ARHGEF12: variants seen among roughly 807,000 people sequenced by gnomAD.
The protein encoded by ARHGEF12 is KMT2A/ARHGEF12 fusion protein.
A neutral mutation model predicts 211.2 loss-of-function variants in ARHGEF12; 66 were observed. The ratio of observed to expected loss-of-function variants is 0.31; its 90% CI spans 0.26 to 0.38. The LOEUF (loss-of-function observed/expected upper bound fraction) is 0.38, where lower values mean the gene tolerates loss of function less well. Ranked by LOEUF, ARHGEF12 falls within the 10% of genes least tolerant of loss-of-function variation. ARHGEF12 has a pLI of 1.00. For missense variants in ARHGEF12, 1,429 were observed against 1,869.5 expected, an observed-to-expected ratio of 0.76 and a Z score of 4.34; for synonymous variants, 592 against 638.4, an observed-to-expected ratio of 0.93 and a Z score of 1.09.
At chr11:120,420,993 C>T in intron 5 of ARHGEF12, 142 bp downstream of exon 5, 1 of 665,518 alleles carries the variant, frequency 1.5e-6, no homozygotes, top group Non-Finnish European at 2.4e-6. Flanking sequence ...TCTATCATGT[C>T]ATAGTTACAG....
chr11:120,464,101 C>G, intron 27 of ARHGEF12: 1 of 152,174 alleles, frequency 6.6e-6, no homozygotes, highest in East Asian at 1.9e-4. Context: ...CTCCCCCAAG[C>G]CAGCTCCAGC....
chr11:120,337,709 T>A, intron 1 of ARHGEF12: 3 of 985,446 alleles, frequency 3.0e-6, no homozygotes, highest in Non-Finnish European at 3.6e-6. Flanking sequence ...CCTGTGAACT[T>A]AATGTTGAGC....
In ARHGEF12 at chr11:120,429,433, T is replaced by TAGG; in HGVS notation, c.586-7_586-6insAGG. ...TGTTGTTTGTTTTTTATCTTTTTCT[T>TAGG]TTCTAGGAGGAAAACAATGTGGTTC... On this transcript the variant is annotated splice_polypyrimidine_tract_variant and splice_region_variant and intron_variant, in intron 8 of 40. Transcript: ENST00000397843. 6.2e-7 allele frequency: 1 copy of TAGG among 1,607,356 alleles called. No homozygotes were observed. Among genetic ancestry groups the TAGG allele is most frequent in the Non-Finnish European group, 8.5e-7 (1 of 1,176,360 alleles).
chr11:120,457,073 TTATTAAG>T lies in ARHGEF12; in HGVS notation c.2057-38_2057-32del, dbSNP rs779024327. ...TAATTTTTTTTGGTGACCAGTGACT[TTATTAAG>T]TATTAACACTCTTCAAATGTCTGAC... On this transcript the variant is annotated intron_variant, in intron 22 of 40. Coordinates refer to ENST00000397843, the MANE Select transcript of ARHGEF12 (RefSeq NM_015313.3). The T allele has an allele frequency of 4.4e-6, 7 of 1,588,046 alleles. No individual in the cohort carries two copies. In the Admixed American group the frequency reaches 5.4e-5, roughly 12 times the overall value.
intron 1 of ARHGEF12, among the ~76,000 whole-genome samples, chr11:120,396,095 A>C (rs1485457130): frequency 6.6e-6 from 1 of 152,116 alleles, no homozygotes; most frequent in African/African-American, 2.4e-5. Flanking sequence ...ATAGTGCCAC[A>C]AACAAGAAAG....
In ARHGEF12 at chr11:120,478,390, G is replaced by A; in HGVS notation, c.3766+1G>A. The A allele has an allele frequency of 6.2e-7, 1 of 1,613,294 alleles. No homozygotes were observed. The highest frequency in any genetic ancestry group is 8.5e-7 in the Non-Finnish European group (1 of 1,179,266). On this transcript the variant is annotated splice_donor_variant, in intron 37 of 40. Coordinates refer to ENST00000397843, the MANE Select transcript of ARHGEF12 (RefSeq NM_015313.3). LOFTEE classifies it high-confidence loss of function. Reference sequence around the variant, plus strand: ...TGGGCATTGGATGCACTAAGAAATTGTAAGTTTTATTCATAACTTATTACA... The same window carrying A: ...TGGGCATTGGATGCACTAAGAAATTATAAGTTTTATTCATAACTTATTACA...
intron 1 of ARHGEF12, among the ~76,000 whole-genome samples, chr11:120,370,680 A>C (rs138577250): frequency 2.6e-5 from 4 of 152,246 alleles, no homozygotes; most frequent in Non-Finnish European, 5.9e-5. Flanking sequence ...AAAGTCTTAA[A>C]ACTTTTTTGG....
chr11:120,457,181 T>C lies in ARHGEF12; in HGVS notation c.2120T>C (p.Leu707Pro). The change falls in exon 23 of 41, where the codon CTC becomes CCC. Residue 707 changes from leucine (L) to proline (P), a missense_variant. This residue lies in a region of ARHGEF12 where 373 missense variants were observed against 467.5 expected (regional missense o/e 0.80). Coordinates refer to ENST00000397843, the MANE Select transcript of ARHGEF12 (RefSeq NM_015313.3). ...GDTLDGTPRTLNTVFDFPPPP... is the reference protein window; with the variant it reads ...GDTLDGTPRTPNTVFDFPPPP... ...ACCTTAGATGGCACACCTCGTACTC[T>C]CAATACTGTCTTTGATTTCCCACCA... 1 of 1,614,130 alleles carries C rather than the reference T, an allele frequency of 6.2e-7. No homozygotes were observed. The highest frequency in any genetic ancestry group is 8.5e-7 in the Non-Finnish European group (1 of 1,179,994).
At position 120,486,987 on chromosome 11, in the gene ARHGEF12, A is replaced by T. The variant is rs1044344381; in HGVS notation, c.*1910A>T. On this transcript the variant is annotated 3_prime_UTR_variant, in exon 41 of 41. Transcript: ENST00000397843. ...AAGTTTGGGATTTGGAACTTTCTGT[A>T]TCTCTTAGGAGGAACAAGTAAAAAC... The T allele has an allele frequency of 1.4e-5, 3 of 214,560 alleles. No homozygotes were observed. The highest frequency in any genetic ancestry group is 6.8e-5 in the African/African-American group (3 of 44,360). 13.3% of individuals were successfully genotyped at this position (214,560 alleles called of 1,614,324 possible).
intron 1 of ARHGEF12, among the ~76,000 whole-genome samples, chr11:120,356,153 T>A (rs1037083325): frequency 6.6e-6 from 1 of 152,226 alleles, no homozygotes; most frequent in South Asian, 2.1e-4. Flanking sequence ...TTGATAGGAT[T>A]CTACTTTAAA....
chr11:120,421,442 GTTTTTTTTTTTTT>G (rs1945186382), intron 5 of ARHGEF12, among the ~76,000 whole-genome samples: 1 of 83,870 alleles, frequency 1.2e-5, no homozygotes, highest in African/African-American at 4.1e-5. Flanking sequence ...TTTTTTTTTT[GTTTTTTTTTTTTT>G]GGAGATGGAG....
Position 120,465,402 on chromosome 11 carries a change from G to A in ARHGEF12, c.2739+40G>A, listed in dbSNP as rs367674686. 9.3e-6 allele frequency: 15 copies of A among 1,609,440 alleles called. No individual in the cohort carries two copies. In the African/African-American group the frequency reaches 2.0e-4, roughly 22 times the overall value. On this transcript the variant is annotated intron_variant, in intron 28 of 40. Coordinates refer to ENST00000397843, the MANE Select transcript of ARHGEF12 (RefSeq NM_015313.3). ...TCATGTAAGAAAAAAAATAAGGCAA[G>A]TTTTTATCAATTATCAGATAAACTG...
chr11:120,489,131 C>T lies in ARHGEF12; in HGVS notation c.*4054C>T. ...AGGAGCCTGTAATTAATTTTCCTGTCAGTGACTGTCAGACATCTTCCTGCT... is the reference window on the plus strand; with the variant it reads ...AGGAGCCTGTAATTAATTTTCCTGTTAGTGACTGTCAGACATCTTCCTGCT... On this transcript the variant is annotated 3_prime_UTR_variant, in exon 41 of 41. Transcript: ENST00000397843. 1 of 226,532 alleles carries T rather than the reference C, an allele frequency of 4.4e-6. No homozygotes were observed. The highest frequency in any genetic ancestry group is 8.8e-6 in the Non-Finnish European group (1 of 113,680). 14.0% of individuals were successfully genotyped at this position (226,532 alleles called of 1,614,324 possible).
At chr11:120,477,048 G>A in intron 34 of ARHGEF12, 171 bp from the exon 35 acceptor site, 1 of 642,162 alleles carries the variant, frequency 1.6e-6, no homozygotes, top group East Asian at 2.7e-5. Flanking sequence ...ATAGTGTGTT[G>A]CCAAAATAAA....
At chr11:120,389,051 A>G (rs1322507155) in intron 1 of ARHGEF12, among the ~76,000 whole-genome samples, 1 of 151,734 alleles carries the variant, frequency 6.6e-6, no homozygotes, top group Non-Finnish European at 1.5e-5. Flanking sequence ...TTTTAGTTTT[A>G]GTAGAGATGG....
At chr11:120,364,116 A>G (rs1943356302) in intron 1 of ARHGEF12, among the ~76,000 whole-genome samples, 1 of 151,984 alleles carries the variant, frequency 6.6e-6, no homozygotes, top group South Asian at 2.1e-4. Flanking sequence ...ACTCTTACTC[A>G]CTTTTTTGTT....
chr11:120,412,763 T>C (rs1944924043), intron 4 of ARHGEF12, among the ~76,000 whole-genome samples: 1 of 152,154 alleles, frequency 6.6e-6, no homozygotes. Flanking sequence ...TCTTCCTCTT[T>C]ATTTCCCTAA....
intron 17 of ARHGEF12, 93 bp downstream of exon 17, chr11:120,446,601 C>A: frequency 2.2e-6 from 2 of 891,606 alleles, no homozygotes; most frequent in Non-Finnish European, 3.4e-6. Flanking sequence ...TAGCTTAGCA[C>A]TAGATAAACC....
At chr11:120,355,569 C>T (rs772758105) in intron 1 of ARHGEF12, among the ~76,000 whole-genome samples, 2 of 152,094 alleles carry the variant, frequency 1.3e-5, no homozygotes, top group African/African-American at 2.4e-5. Context: ...AGTCTTTTAG[C>T]GGGGCACAGT....
Sources: gnomAD v4.1 joint callset for allele counts (sites outside exome capture counted in the v4.1 genomes callset) on GRCh38, gnomAD v4.1.1 for gene constraint, gnomAD v4.1.1 regional missense constraint, MANE v1.5 for transcripts, NCBI Gene and HGNC (gene_info 2026-07-23, HGNC 2026-07-21) for gene names.